The following ZNF618 variants were observed in gnomAD, a reference collection of about 807,000 sequenced individuals.
ZNF618 encodes neural precursor cell expressed, developmentally down-regulated 10.
In ZNF618, 34 loss-of-function variants were observed where a neutral mutation model predicts 103.0. That is an observed-to-expected ratio of 0.33 (90% confidence interval 0.25 to 0.44). The LOEUF (loss-of-function observed/expected upper bound fraction) is 0.44. Among genes scored for constraint, ZNF618 ranks in the 20% least tolerant of loss-of-function variants. The pLI, the probability that ZNF618 is intolerant of heterozygous loss-of-function variation, is 1.00. For synonymous variants in ZNF618, 551 were observed against 542.2 expected (o/e 1.02, Z -0.23); for missense variants, 1,059 against 1,295.4 (o/e 0.82, Z 2.80).
At chr9:113,898,345 A>T (rs1333346046) in intron 1 of ZNF618, among the ~76,000 whole-genome samples, 1 of 151,186 alleles carries the variant, frequency 6.6e-6, no homozygotes, top group South Asian at 2.1e-4. Flanking sequence ...TCATTTATTC[A>T]TTCAAAATAA....
intron 4 of ZNF618, 133 bp from the exon 5 acceptor site, chr9:114,001,863 C>G: frequency 2.6e-6 from 2 of 784,190 alleles, no homozygotes; most frequent in Non-Finnish European, 4.4e-6. Flanking sequence ...TAGCTCGGTG[C>G]TGCCTCCTTG....
intron 1 of ZNF618, among the ~76,000 whole-genome samples, chr9:113,914,396 C>T (rs1036885047): frequency 2.6e-5 from 4 of 152,154 alleles, no homozygotes; most frequent in African/African-American, 9.7e-5. Flanking sequence ...TCCTCACGTG[C>T]GCTTCTCTGT....
chr9:113,923,600 T>G (rs1329603830), intron 1 of ZNF618, among the ~76,000 whole-genome samples: 2 of 152,152 alleles, frequency 1.3e-5, no homozygotes, highest in Non-Finnish European at 2.9e-5. Context: ...GATTTTCAAG[T>G]GGTAAACCAG....
chr9:113,932,313 A>G (rs1189679504), intron 1 of ZNF618, among the ~76,000 whole-genome samples: 2 of 152,196 alleles, frequency 1.3e-5, no homozygotes, highest in Non-Finnish European at 2.9e-5. Context: ...GAAAGGCCAC[A>G]GTGGCTAGAT....
intron 1 of ZNF618, among the ~76,000 whole-genome samples, chr9:113,922,227 A>G (rs1259903989): frequency 1.3e-5 from 2 of 152,200 alleles, no homozygotes; most frequent in African/African-American, 4.8e-5. Flanking sequence ...AAGAGAAGAA[A>G]TTGGAACAGA....
At chr9:114,044,250 A>G (rs1287127781) in intron 13 of ZNF618, among the ~76,000 whole-genome samples, 2 of 152,098 alleles carry the variant, frequency 1.3e-5, no homozygotes, top group Non-Finnish European at 2.9e-5. Context: ...ATCCAGTTTT[A>G]TTCTTCCACA....
chr9:114,049,167 G>C lies in ZNF618; in HGVS notation c.1865G>C (p.Ser622Thr). ...GTGTACGTGACGGATTGCCGGGTGAGCACGTCCGCCTTCTCCAAGGCCGGC... is the reference window on the plus strand; with the variant it reads ...GTGTACGTGACGGATTGCCGGGTGACCACGTCCGCCTTCTCCAAGGCCGGC... ...RTVYVTDCRV[S>T]TSAFSKAGMC... The change falls in exon 15 of 15, where the codon AGC becomes ACC. Residue 622 changes from serine (S) to threonine (T), a missense_variant. Coordinates refer to ENST00000374126, the MANE Select transcript of ZNF618 (RefSeq NM_001318042.2). The C allele has an allele frequency of 6.2e-7, 1 of 1,613,848 alleles. No individual in the cohort carries two copies.
intron 1 of ZNF618, among the ~76,000 whole-genome samples, chr9:113,941,132 A>C (rs1834510192): frequency 6.6e-6 from 1 of 151,942 alleles, no homozygotes; most frequent in Admixed American, 6.6e-5. Flanking sequence ...CTCATTTCTG[A>C]CATTTAAGTT....
rs1203282701 is a variant in ZNF618 at position 114,032,720 on chromosome 9, A to C, written c.1160A>C (p.Asn387Thr). The change falls in exon 12 of 15, where the codon AAC becomes ACC. Residue 387 changes from asparagine (N) to threonine (T), a missense_variant. By Grantham distance (65) the Asn-to-Thr change is moderately conservative (BLOSUM62 0). Transcript: ENST00000374126. ...HFEETNSSSQ[N>T]SSEPYTCGAC... The stretch of plus-strand genomic sequence containing the variant: ...GAAGAGACGAACAGCAGTTCGCAGA[A>C]CTCCAGCGGTGAGTGTGCCCCTTGA... 6.2e-7 allele frequency: 1 copy of C among 1,613,746 alleles called. No individual in the cohort carries two copies.
rs149113651 is a variant in ZNF618 at position 113,988,351 on chromosome 9, C to G, written c.108C>G (p.Thr36=). The change falls in exon 3 of 15, where the codon ACC becomes ACG. Residue 36 remains threonine, a synonymous_variant. Coordinates refer to ENST00000374126, the MANE Select transcript of ZNF618 (RefSeq NM_001318042.2). ...GCTTGAAGCGCAGCCAGAAGAGCAC[C>G]AAGGTGGAGGGCCCAGAGCCAGTGC... The part of the protein sequence containing the change: ...RERLKRSQKS[T]KVEGPEPVPA... The G allele has an allele frequency of 2.5e-3, 4,100 of 1,613,102 alleles. 60 individuals are homozygous for G. In the East Asian group the frequency reaches 0.045, roughly 18 times the overall value.
At chr9:114,020,578 C>A (rs1449161616) in intron 10 of ZNF618, among the ~76,000 whole-genome samples, 1 of 151,776 alleles carries the variant, frequency 6.6e-6, no homozygotes, top group Non-Finnish European at 1.5e-5. Context: ...ACTACCATGA[C>A]TTTTAAATTT....
chr9:113,939,264 G>A (rs575366958), intron 1 of ZNF618, among the ~76,000 whole-genome samples: 2 of 152,134 alleles, frequency 1.3e-5, no homozygotes, highest in East Asian at 1.9e-4. Flanking sequence ...TAATTATATT[G>A]ATCAGTGGTT....
chr9:113,950,724 G>C (rs139420942), intron 1 of ZNF618, among the ~76,000 whole-genome samples: 33 of 152,316 alleles, frequency 2.2e-4, no homozygotes, highest in African/African-American at 7.7e-4. Context: ...GCTGGGAAGA[G>C]TAGACATCAG....
At chr9:113,939,412 G>A (rs1408584696) in intron 1 of ZNF618, among the ~76,000 whole-genome samples, 3 of 151,904 alleles carry the variant, frequency 2.0e-5, no homozygotes, top group Non-Finnish European at 4.4e-5. Flanking sequence ...ATTTATATAG[G>A]AATTTTGGAT....
chr9:114,036,882 C>T (rs1588427203), intron 13 of ZNF618, among the ~76,000 whole-genome samples: 1 of 152,298 alleles, frequency 6.6e-6, no homozygotes, highest in African/African-American at 2.4e-5. Context: ...TCAGAATTAC[C>T]AGGAGGGCTT....
At chr9:114,037,396 T>A (rs1274261901) in intron 13 of ZNF618, among the ~76,000 whole-genome samples, 1 of 152,136 alleles carries the variant, frequency 6.6e-6, no homozygotes, top group Non-Finnish European at 1.5e-5. Flanking sequence ...CAAATTCCAG[T>A]GTGGAGAATT....
intron 1 of ZNF618, among the ~76,000 whole-genome samples, chr9:113,894,321 TGTGCCAACTATGGGCA>T (rs1239738383): frequency 6.6e-6 from 1 of 152,210 alleles, no homozygotes; most frequent in East Asian, 1.9e-4. Flanking sequence ...ATTACATATT[TGTGCCAACTATGGGCA>T]GTGACCCTTA....
chr9:113,910,600 C>G (rs1831445764), intron 1 of ZNF618, among the ~76,000 whole-genome samples: 1 of 152,150 alleles, frequency 6.6e-6, no homozygotes, highest in Non-Finnish European at 1.5e-5. Flanking sequence ...GTTGTTTCCT[C>G]TTCCACCATT....
intron 1 of ZNF618, among the ~76,000 whole-genome samples, chr9:113,945,092 CCT>C (rs1834895623): frequency 6.6e-6 from 1 of 152,280 alleles, no homozygotes; most frequent in South Asian, 2.1e-4. Context: ...AGCCCCATCC[CCT>C]GTCTCCCTAC....
Sources: allele counts gnomAD v4.1 joint callset (sites outside exome capture counted in the v4.1 genomes callset), GRCh38; gene constraint gnomAD v4.1.1; transcripts MANE v1.5; gene names NCBI Gene and HGNC (gene_info 2026-07-23, HGNC 2026-07-21).